Variants in SGO1 observed in about 807,000 individuals in gnomAD.
SGO1 encodes shugoshin 1.
A neutral mutation model predicts 50.5 loss-of-function variants in SGO1; 39 were observed. The ratio of observed to expected loss-of-function variants is 0.77; its 90% CI spans 0.60 to 1.01. SGO1 has a LOEUF of 1.01. SGO1 is among the 50% of genes least tolerant of loss of function. SGO1 has a pLI of 0.00. For synonymous variants in SGO1, 191 were observed against 205.1 expected (o/e 0.93, Z 0.59); for missense variants, 638 against 606.0 (o/e 1.05, Z -0.55).
chr3:20,186,173 T>G lies in SGO1; in HGVS notation c.-233A>C, dbSNP rs1361521994. Reference sequence around the variant, plus strand: ...TGGGCCCTCCAGGACCGTACCACCGTCCGCCGTCGCCTGGAACTACCGCCG... The same window carrying G: ...TGGGCCCTCCAGGACCGTACCACCGGCCGCCGTCGCCTGGAACTACCGCCG... On this transcript the variant is annotated 5_prime_UTR_variant, in exon 1 of 8. Transcript: ENST00000412997. 2.0e-5 allele frequency: 3 copies of G among 152,372 alleles called. No individual in the cohort carries two copies. Among genetic ancestry groups the G allele is most frequent in the Non-Finnish European group, 4.4e-5 (3 of 68,170 alleles). 9.4% of individuals were successfully genotyped at this position (152,372 alleles called of 1,614,324 possible).
chr3:20,178,067 T>C (rs2125335482), intron 4 of SGO1, among the ~76,000 whole-genome samples: 1 of 151,574 alleles, frequency 6.6e-6, no homozygotes, highest in South Asian at 2.1e-4. Flanking sequence ...AAAAAAGGAG[T>C]GAAATATAAG....
Position 20,169,554 on chromosome 3 carries a change from T to C in SGO1, c.*1150A>G. ...AAGTTCTAAAATTTAAAGAGGTATA[T>C]ACAAGTATAGACATCAAACTTTCTA... On this transcript the variant is annotated 3_prime_UTR_variant, in exon 8 of 8. Transcript: ENST00000412997. The C allele has an allele frequency of 1.0e-6, 1 of 984,930 alleles. No homozygotes were observed. Among genetic ancestry groups the C allele is most frequent in the Non-Finnish European group, 1.2e-6 (1 of 829,430 alleles). 61.0% of individuals were successfully genotyped at this position (984,930 alleles called of 1,614,324 possible). A position where few individuals can be genotyped will look rare whatever the true frequency, so the allele number is the denominator to read the frequency against.
At chr3:20,166,205 C>A (rs1185068266), downstream of SGO1, among the ~76,000 whole-genome samples, 1 of 151,998 alleles carries the variant, frequency 6.6e-6, no homozygotes, top group Admixed American at 6.5e-5. Flanking sequence ...AAAAAGGCAA[C>A]CAACAGAATG....
At chr3:20,164,237 G>A (rs936495306) in intron 8 of SGO1, among the ~76,000 whole-genome samples, 10 of 152,020 alleles carry the variant, frequency 6.6e-5, no homozygotes, top group African/African-American at 2.2e-4. Flanking sequence ...TGTTATGACC[G>A]AGTGATGGAT....
intron 1 of SGO1, among the ~76,000 whole-genome samples, chr3:20,184,554 TATG>T (rs1253347370): frequency 3.3e-5 from 5 of 152,218 alleles, no homozygotes; most frequent in Non-Finnish European, 5.9e-5. Context: ...AATTATCACT[TATG>T]ATATGCACAC....
chr3:20,184,413 A>C (rs1278948310), intron 1 of SGO1, among the ~76,000 whole-genome samples: 1 of 152,168 alleles, frequency 6.6e-6, no homozygotes, highest in East Asian at 1.9e-4. Context: ...TTTAGGACCA[A>C]CTTTTACTGC....
In SGO1 at chr3:20,184,124, T is replaced by C. The variant is rs1311621198; in HGVS notation, c.-7-90A>G. On this transcript the variant is annotated intron_variant, in intron 1 of 7. Coordinates refer to ENST00000412997, the MANE Select transcript of SGO1 (RefSeq NM_001199251.3). ...GGCTGTTCATAAAGAATGCATTAAATAGACTAAACTGTAGAATTAGCTCAA... is the reference window on the plus strand; with the variant it reads ...GGCTGTTCATAAAGAATGCATTAAACAGACTAAACTGTAGAATTAGCTCAA... The C allele has an allele frequency of 4.1e-6, 4 of 971,830 alleles. No homozygotes were observed. In the African/African-American group the frequency reaches 6.8e-5, roughly 16 times the overall value. 60.2% of individuals were successfully genotyped at this position (971,830 alleles called of 1,614,324 possible).
At chr3:20,184,971 T>G (rs1702465260) in intron 1 of SGO1, among the ~76,000 whole-genome samples, 1 of 152,194 alleles carries the variant, frequency 6.6e-6, no homozygotes, top group Admixed American at 6.5e-5. Flanking sequence ...GCACAGAATT[T>G]TCACTACAAA....
intron 3 of SGO1, among the ~76,000 whole-genome samples, chr3:20,181,049 C>T (rs1184787147): frequency 1.3e-5 from 2 of 152,064 alleles, no homozygotes; most frequent in Non-Finnish European, 1.5e-5. Flanking sequence ...ATTGCCTGAG[C>T]CTGGGAGGTG....
chr3:20,178,782 T>C (rs1248831815), intron 3 of SGO1, among the ~76,000 whole-genome samples: 1 of 152,142 alleles, frequency 6.6e-6, no homozygotes, highest in East Asian at 1.9e-4. Context: ...AAAGAAAGGT[T>C]GTTGTGGCTG....
chr3:20,164,359 T>C (rs1266579252), intron 8 of SGO1, among the ~76,000 whole-genome samples: 2 of 151,636 alleles, frequency 1.3e-5, no homozygotes, highest in Non-Finnish European at 2.9e-5. Flanking sequence ...ACTGACAAAG[T>C]TCAACAGTCA....
In SGO1 at chr3:20,183,891, A is replaced by G. The variant is rs773019651; in HGVS notation, c.137T>C (p.Ile46Thr). The G allele has an allele frequency of 1.2e-6, 2 of 1,606,720 alleles. No individual in the cohort carries two copies. Among genetic ancestry groups the G allele is most frequent in the Non-Finnish European group, 1.7e-6 (2 of 1,178,316 alleles). Residue 46 changes from isoleucine to threonine, a missense_variant, in exon 2 of 8, where the codon ATA (isoleucine) becomes ACA (threonine). Transcript: ENST00000412997. ...RRSFIAAPCQ[I>T]ITNTSTLLKN... Reference sequence around the variant, plus strand: ...ACAACATAAAAATCTCTTACTGATTATTTGGCATGGTGCAGCTATAAAAGA... The same window carrying G: ...ACAACATAAAAATCTCTTACTGATTGTTTGGCATGGTGCAGCTATAAAAGA...
chr3:20,185,938 T>C lies in SGO1; in HGVS notation c.-8+10A>G, dbSNP rs1702618267. On this transcript the variant is annotated intron_variant, in intron 1 of 7. Coordinates refer to ENST00000412997, the MANE Select transcript of SGO1 (RefSeq NM_001199251.3). Reference sequence around the variant, plus strand: ...AGTCAAACAGGGATCACTACGCCCTTGTTTCGCACCTTAAAACCTACTTCT... The same window carrying C: ...AGTCAAACAGGGATCACTACGCCCTCGTTTCGCACCTTAAAACCTACTTCT... 1 of 152,282 alleles carries C rather than the reference T, an allele frequency of 6.6e-6. No homozygotes were observed. The highest frequency in any genetic ancestry group is 1.9e-4 in the East Asian group (1 of 5,174). The allele number at this position is 152,282 out of a possible 1,614,324, so 9.4% of individuals were successfully genotyped here. A position where few individuals can be genotyped will look rare whatever the true frequency, so the allele number is the denominator to read the frequency against.
chr3:20,165,954 G>A (rs1700277227), downstream of SGO1, among the ~76,000 whole-genome samples: 1 of 152,168 alleles, frequency 6.6e-6, no homozygotes, highest in Admixed American at 6.5e-5. Context: ...TTGGGAGGCT[G>A]AGACAGGAGA....
chr3:20,170,603 T>C lies in SGO1; in HGVS notation c.*101A>G. 7.2e-7 allele frequency: 1 copy of C among 1,398,356 alleles called. No individual in the cohort carries two copies. The highest frequency in any genetic ancestry group is 9.2e-7 in the Non-Finnish European group (1 of 1,081,550). The allele number at this position is 1,398,356 out of a possible 1,614,324, so 86.6% of individuals were successfully genotyped here. On this transcript the variant is annotated 3_prime_UTR_variant, in exon 8 of 8. Coordinates refer to ENST00000412997, the MANE Select transcript of SGO1 (RefSeq NM_001199251.3). The stretch of plus-strand genomic sequence containing the variant: ...AGCTAGGGTCCTGTCAAGAGAATAT[T>C]CTATGGCAATGGCTCACTCTGTTTG...
chr3:20,175,578 C>T (rs895730663), intron 5 of SGO1, among the ~76,000 whole-genome samples: 3 of 151,898 alleles, frequency 2.0e-5, no homozygotes, highest in Non-Finnish European at 2.9e-5. Context: ...GGGCAGATCA[C>T]GAGGTCAGGA....
At chr3:20,168,876 G>A (rs1700454827), downstream of SGO1, 2 of 863,568 alleles carry the variant, frequency 2.3e-6, no homozygotes, top group East Asian at 1.2e-4. Context: ...CTCGTGATCT[G>A]CCCGCCTTGG....
At chr3:20,173,188 A>G (rs1575205618) in intron 6 of SGO1, among the ~76,000 whole-genome samples, 1 of 151,430 alleles carries the variant, frequency 6.6e-6, no homozygotes, top group African/African-American at 2.4e-5. Flanking sequence ...CTGGAGCGCA[A>G]TGGCATGGTC....
chr3:20,183,885 CTGAT>C lies in SGO1; in HGVS notation c.139_142del (p.Ile47ProfsTer7). The C allele has an allele frequency of 3.1e-6, 5 of 1,605,326 alleles. No individual in the cohort carries two copies. Among genetic ancestry groups the C allele is most frequent in the Non-Finnish European group, 4.2e-6 (5 of 1,177,986 alleles). ...AAAAGGACAACATAAAAATCTCTTA[CTGAT>C]TATTTGGCATGGTGCAGCTATAAAA... On this transcript the variant is annotated frameshift_variant and splice_region_variant, in exon 2 of 8. Coordinates refer to ENST00000412997, the MANE Select transcript of SGO1 (RefSeq NM_001199251.3). LOFTEE classifies it high-confidence loss of function.
Sources: gnomAD v4.1 joint callset for allele counts (sites outside exome capture counted in the v4.1 genomes callset) on GRCh38, gnomAD v4.1.1 for gene constraint, MANE v1.5 for transcripts, NCBI Gene and HGNC (gene_info 2026-07-23, HGNC 2026-07-21) for gene names.